The following SH2D2A variants were observed in gnomAD, a reference collection of about 807,000 sequenced individuals.
The protein encoded by SH2D2A is SH2 domain-containing protein 2A.
A neutral mutation model predicts 43.6 loss-of-function variants in SH2D2A; 33 were observed. The observed-to-expected ratio is 0.76, with a 90% CI of 0.57 to 1.01. SH2D2A has a LOEUF of 1.01. Among genes scored for constraint, SH2D2A ranks in the 50% least tolerant of loss-of-function variants. The probability of loss-of-function intolerance (pLI) is 0.00; values close to 1 mark genes in which losing one functional copy is unlikely to be tolerated. For missense variants in SH2D2A, 491 were observed against 503.1 expected (o/e 0.98, Z 0.23); for synonymous variants, 212 against 206.1 (o/e 1.03, Z -0.25).
At chr1:156,813,734 A>G in intron 5 of SH2D2A, 114 bp downstream of exon 5, 1 of 1,011,652 alleles carries the variant, frequency 9.9e-7, no homozygotes, top group Non-Finnish European at 1.3e-6. Context: ...GGCATGCCCG[A>G]GTGGTGTTTC....
chr1:156,815,291 C>A, intron 2 of SH2D2A, 70 bp from the exon 3 acceptor site: 1 of 1,208,476 alleles, frequency 8.3e-7, no homozygotes, highest in Non-Finnish European at 1.1e-6. Flanking sequence ...CTTTGATCCA[C>A]CTGCCACCTT....
At position 156,813,898 on chromosome 1, in the gene SH2D2A, G is replaced by A; in HGVS notation, c.517C>T (p.His173Tyr). Residue 173 changes from histidine (H) to tyrosine (Y), a missense_variant, in exon 5 of 9, where the codon CAC (histidine) becomes TAC (tyrosine). Transcript: ENST00000368199. ...GTCTCCCCGTAGGGGCTGAGCGGGTGCGCGGTGTAGTGCAGCAGCAGGTCC... is the reference window on the plus strand; with the variant it reads ...GTCTCCCCGTAGGGGCTGAGCGGGTACGCGGTGTAGTGCAGCAGCAGGTCC... Reference protein sequence around the residue: ...LQDLLLHYTAHPLSPYGETLT... With the variant: ...LQDLLLHYTAYPLSPYGETLT... 1 of 1,544,212 alleles carries A rather than the reference G, an allele frequency of 6.5e-7. No individual in the cohort carries two copies. The highest frequency in any genetic ancestry group is 8.7e-7 in the Non-Finnish European group (1 of 1,149,322).
In SH2D2A at chr1:156,809,838, C is replaced by T. The variant is rs1484936973; in HGVS notation, c.568-31G>A. 13 of 1,610,016 alleles carry T rather than the reference C, an allele frequency of 8.1e-6. No individual in the cohort carries two copies. Among genetic ancestry groups the T allele is most frequent in the Middle Eastern group, 1.7e-4 (1 of 6,040 alleles). ...GGGAAAGAAGGAGGTCTGAGGCACT[C>T]GGTGGAGCGTTGGGGTGGGGGAGGT... On this transcript the variant is annotated intron_variant, in intron 5 of 8. Coordinates refer to ENST00000368199, the MANE Select transcript of SH2D2A (RefSeq NM_003975.4). This position sits in a 1 kb window ranked among gnomAD's most constrained non-coding sequence, Gnocchi z 4.8.
In SH2D2A at chr1:156,808,994, G is replaced by A. The variant is rs112236390; in HGVS notation, c.1002+209C>T. 2.8e-3 allele frequency among the ~76,000 whole-genome samples: 432 copies of A among 152,234 alleles called. 1 individual carries two copies. The highest frequency in any genetic ancestry group is 1.0e-2 in the African/African-American group (414 of 41,546). On this transcript the variant is annotated intron_variant, in intron 7 of 8. Coordinates refer to ENST00000368199, the MANE Select transcript of SH2D2A (RefSeq NM_003975.4). ...GGGCATGGGGGCTTGACAAAGATGA[G>A]GTCTGAGCGACTCTGGGGAGAAGAG...
intron 7 of SH2D2A, among the ~76,000 whole-genome samples, chr1:156,808,748 G>T (rs759200463): frequency 6.6e-6 from 1 of 152,152 alleles, no homozygotes; most frequent in Non-Finnish European, 1.5e-5. Context: ...CCTCCCCTGA[G>T]CTCACTGAGA....
At position 156,813,991 on chromosome 1, in the gene SH2D2A, G is replaced by C; in HGVS notation, c.424C>G (p.Leu142Val). The change falls in exon 5 of 9, where the codon CTG becomes GTG. Residue 142 changes from leucine to valine, a missense_variant. By Grantham distance (32) the Leu-to-Val change is conservative. Transcript: ENST00000368199. ...CGCCCGTCCCTGAGCTGGGCCAGCA[G>C]GAAGTGGCGGCAGCAAGTCCGGCTC... is the stretch of plus-strand genomic sequence containing the variant. ...YRSRTCCRHF[L>V]LAQLRDGRHV... 6.6e-7 allele frequency: 1 copy of C among 1,521,982 alleles called. No individual in the cohort carries two copies. Among genetic ancestry groups the C allele is most frequent in the Non-Finnish European group, 8.8e-7 (1 of 1,136,576 alleles). The allele number at this position is 1,521,982 out of a possible 1,614,324, so 94.3% of individuals were successfully genotyped here.
At chr1:156,815,491 AG>A in intron 2 of SH2D2A, 1 of 591,308 alleles carries the variant, frequency 1.7e-6, no homozygotes, top group Non-Finnish European at 3.0e-6. Context: ...GTGCTCTAGG[AG>A]GGGCGGGAAA....
In SH2D2A at chr1:156,816,802, C is replaced by G. The variant is rs1478787132; in HGVS notation, c.-94G>C. On this transcript the variant is annotated 5_prime_UTR_variant, in exon 1 of 9. Coordinates refer to ENST00000368199, the MANE Select transcript of SH2D2A (RefSeq NM_003975.4). ...GCAACTCATCATCTCTCCTCTCACC[C>G]TGGCCCCGGGGGCAGGAAATGTCGC... The G allele has an allele frequency of 1.6e-6, 2 of 1,235,214 alleles. No individual in the cohort carries two copies. The highest frequency in any genetic ancestry group is 2.2e-6 in the Non-Finnish European group (2 of 911,766). 76.5% of individuals were successfully genotyped at this position (1,235,214 alleles called of 1,614,324 possible). A position where few individuals can be genotyped will look rare whatever the true frequency, so the allele number is the denominator to read the frequency against.
chr1:156,811,020 A>G (rs531629387), intron 5 of SH2D2A, among the ~76,000 whole-genome samples: 1 of 152,302 alleles, frequency 6.6e-6, no homozygotes, highest in Admixed American at 6.5e-5. Context: ...GCATGTCTCC[A>G]TCGGGAGGTG....
rs1653770263 is a variant in SH2D2A, at chr1:156,815,123, G to C, written c.222C>G (p.Thr74=). The C allele has an allele frequency of 1.5e-5, 24 of 1,610,376 alleles. No individual in the cohort carries two copies. Among genetic ancestry groups the C allele is most frequent in the Non-Finnish European group, 2.0e-5 (24 of 1,178,428 alleles). Residue 74 remains threonine, a synonymous_variant, in exon 3 of 9, where the codon ACC becomes ACG. Transcript: ENST00000368199. ...CCTGGGTCTTCTGGAACCAAGCCCG[G>C]GTCTCGGCCTGCAGGAACAGGCTTC... is the stretch of plus-strand genomic sequence containing the variant. ...GEGSLFLQAE[T]RAWFQKTQAH...
chr1:156,814,441 A>G, intron 3 of SH2D2A, 147 bp from the exon 4 acceptor site: 1 of 1,396,150 alleles, frequency 7.2e-7, no homozygotes, highest in Admixed American at 2.5e-5. Flanking sequence ...GGGGAGAGAG[A>G]GCACGTGGGC....
chr1:156,815,846 T>A, intron 2 of SH2D2A, 160 bp downstream of exon 2: 1 of 1,614,138 alleles, frequency 6.2e-7, no homozygotes, highest in South Asian at 1.1e-5. Context: ...GAGGTACTCC[T>A]CATTTTCGTT....
Position 156,809,259 on chromosome 1 carries a change from T to C in SH2D2A, c.946A>G (p.Thr316Ala). 1 of 1,613,838 alleles carries C rather than the reference T, an allele frequency of 6.2e-7. No individual in the cohort carries two copies. Among genetic ancestry groups the C allele is most frequent in the South Asian group, 1.1e-5 (1 of 91,042 alleles). Residue 316 changes from threonine to alanine, a missense_variant, in exon 7 of 9, where the codon ACC (threonine) becomes GCC (alanine). By Grantham distance (58) the Thr-to-Ala change is moderately conservative (BLOSUM62 0). Coordinates refer to ENST00000368199, the MANE Select transcript of SH2D2A (RefSeq NM_003975.4). The surrounding 1 kb of genome is among the most constrained non-coding windows in gnomAD (Gnocchi z 4.8). ...VEVEDEGLPA[T>A]LGHPVLRKSW... ...TTCCGTAGGACAGGGTGCCCAAGGG[T>C]GGCGGGTAGGCCCTCATCTTCCACT... is the stretch of plus-strand genomic sequence containing the variant.
intron 4 of SH2D2A, 51 bp downstream of exon 4, chr1:156,814,154 C>T (rs1351950346): frequency 3.7e-6 from 6 of 1,607,766 alleles, no homozygotes; most frequent in Middle Eastern, 1.7e-4. Flanking sequence ...CCAAGCCCCG[C>T]CCCTCCCGAG....
At chr1:156,813,787 T>A in intron 5 of SH2D2A, 61 bp downstream of exon 5, 2 of 1,345,478 alleles carry the variant, frequency 1.5e-6, no homozygotes, top group Non-Finnish European at 1.9e-6. Flanking sequence ...GCCTGGGCTC[T>A]GAGCGGGAGG....
chr1:156,814,859 G>C (rs143563735), intron 3 of SH2D2A, 178 bp downstream of exon 3: 68 of 514,990 alleles, frequency 1.3e-4, no homozygotes, highest in African/African-American at 1.3e-3. Context: ...ATCTCCCCTG[G>C]AGAGATGCCT....
At chr1:156,815,920 C>A in intron 2 of SH2D2A, 86 bp downstream of exon 2, 1 of 1,609,780 alleles carries the variant, frequency 6.2e-7, no homozygotes, top group South Asian at 1.1e-5. Context: ...TTGGAGTGGC[C>A]TTTGTCCATC....
rs1571627421 is a variant in SH2D2A at position 156,815,657 on chromosome 1, A to T, written c.123+349T>A. 5.2e-6 allele frequency: 4 copies of T among 761,956 alleles called. No homozygotes were observed. The East Asian group carries it at 1.0e-4, about 20-fold the overall frequency. 47.2% of individuals were successfully genotyped at this position (761,956 alleles called of 1,614,324 possible). On this transcript the variant is annotated intron_variant, in intron 2 of 8. Coordinates refer to ENST00000368199, the MANE Select transcript of SH2D2A (RefSeq NM_003975.4). ...TCGCAGGGAAAATTATTGACTGGGC[A>T]GGAGAGAAGGACTGAGACGGGAATG...
Position 156,816,669 on chromosome 1 carries a change from A to G in SH2D2A, c.34+6T>C. 2 of 1,600,892 alleles carry G rather than the reference A, an allele frequency of 1.2e-6. No individual in the cohort carries two copies. The highest frequency in any genetic ancestry group is 1.7e-4 in the Middle Eastern group (1 of 6,008). On this transcript the variant is annotated splice_donor_region_variant and intron_variant, in intron 1 of 8. Coordinates refer to ENST00000368199, the MANE Select transcript of SH2D2A (RefSeq NM_003975.4). The stretch of plus-strand genomic sequence containing the variant: ...TCCCACCCATATCCTTCAACTTCAC[A>G]CTTACCTTGGGGACATATCTGGGCC...
Sources: gnomAD v4.1 joint callset for allele counts (sites outside exome capture counted in the v4.1 genomes callset) on GRCh38, gnomAD v4.1.1 for gene constraint, Gnocchi (gnomAD v3.1) non-coding constraint, MANE v1.5 for transcripts, NCBI Gene and HGNC (gene_info 2026-07-23, HGNC 2026-07-21) for gene names.